Variants in UNC13C observed in about 807,000 individuals in gnomAD.
The protein encoded by UNC13C is unc-13 homolog C.
Under a neutral mutation model 245.4 loss-of-function variants are expected in UNC13C, and 174 were observed. The observed-to-expected ratio is 0.71, with a 90% CI of 0.63 to 0.80. The LOEUF (loss-of-function observed/expected upper bound fraction) is 0.80. UNC13C is among the 30% of genes least tolerant of loss of function. The pLI, the probability that UNC13C is intolerant of heterozygous loss-of-function variation, is 0.00. For missense variants in UNC13C, 2,829 were observed against 2,602.9 expected (o/e 1.09, Z -1.89); for synonymous variants, 992 against 895.1 (o/e 1.11, Z -1.93).
intron 2 of UNC13C, among the ~76,000 whole-genome samples, chr15:54,062,356 G>A (rs1039310670): frequency 1.3e-5 from 2 of 151,254 alleles, no homozygotes; most frequent in Admixed American, 1.3e-4. Context: ...CATCCTCTGT[G>A]TGATTCTCCT....
At chr15:54,462,380 G>C (rs1422232796) in intron 19 of UNC13C, among the ~76,000 whole-genome samples, 1 of 152,232 alleles carries the variant, frequency 6.6e-6, no homozygotes, top group African/African-American at 2.4e-5. Context: ...TCAGCCCACA[G>C]CTGCACTGTG....
At chr15:54,515,888 C>T (rs1894952940) in intron 24 of UNC13C, among the ~76,000 whole-genome samples, 1 of 152,106 alleles carries the variant, frequency 6.6e-6, no homozygotes, top group Admixed American at 6.5e-5. Context: ...TGTGTCATAC[C>T]ATGGTGGTAA....
At chr15:54,308,844 C>G (rs1347888446) in intron 13 of UNC13C, among the ~76,000 whole-genome samples, 2 of 151,700 alleles carry the variant, frequency 1.3e-5, no homozygotes, top group Non-Finnish European at 2.9e-5. Flanking sequence ...AAAATTTCCT[C>G]CATTTTTATG....
chr15:53,901,920 G>T, the UNC13C span, among the ~76,000 whole-genome samples: 1 of 151,818 alleles, frequency 6.6e-6, no homozygotes, highest in African/African-American at 2.4e-5. Context: ...TTTATTTATG[G>T]TGAAAATTGA....
intron 1 of UNC13C, among the ~76,000 whole-genome samples, chr15:54,008,967 T>A (rs1895260837): frequency 6.6e-6 from 1 of 152,210 alleles, no homozygotes; most frequent in African/African-American, 2.4e-5. Context: ...CGGAGATAAT[T>A]TAAGTTTCTG....
the UNC13C span, among the ~76,000 whole-genome samples, chr15:53,956,084 C>G: frequency 7.9e-5 from 12 of 152,132 alleles, no homozygotes; most frequent in Non-Finnish European, 1.8e-4. Context: ...AACAGAAAAA[C>G]AAACACCACA....
At chr15:54,518,678 C>CTT (rs1895084635) in intron 24 of UNC13C, among the ~76,000 whole-genome samples, 4 of 152,142 alleles carry the variant, frequency 2.6e-5, no homozygotes, top group African/African-American at 7.2e-5. Context: ...GAGATAATGG[C>CTT]TCACAGAGAA....
intron 17 of UNC13C, among the ~76,000 whole-genome samples, chr15:54,354,057 G>C (rs556132430): frequency 6.6e-6 from 1 of 152,258 alleles, no homozygotes; most frequent in South Asian, 2.1e-4. Flanking sequence ...GGATGTCTTA[G>C]GAAGAGATGC....
At chr15:54,179,796 A>G (rs2033737419) in intron 4 of UNC13C, among the ~76,000 whole-genome samples, 1 of 152,080 alleles carries the variant, frequency 6.6e-6, no homozygotes, top group Admixed American at 6.6e-5. Context: ...CAAAAGTCTA[A>G]CAGCACCCAA....
At chr15:54,533,397 C>G (rs1488013296) in intron 26 of UNC13C, among the ~76,000 whole-genome samples, 1 of 152,104 alleles carries the variant, frequency 6.6e-6, no homozygotes, top group Non-Finnish European at 1.5e-5. Flanking sequence ...TCCTCCTGGA[C>G]ATAGAGAAAG....
chr15:54,207,487 G>C (rs575415561), intron 4 of UNC13C, among the ~76,000 whole-genome samples: 3 of 152,052 alleles, frequency 2.0e-5, no homozygotes, highest in Non-Finnish European at 4.4e-5. Flanking sequence ...TTGAACTTAG[G>C]GGAGGGAGAG....
chr15:54,060,871 A>G (rs1184113552), intron 2 of UNC13C, among the ~76,000 whole-genome samples: 1 of 152,136 alleles, frequency 6.6e-6, no homozygotes, highest in South Asian at 2.1e-4. Context: ...CACAAGGACA[A>G]AAAACCAAAC....
chr15:54,356,112 A>T (rs192216549), intron 17 of UNC13C, among the ~76,000 whole-genome samples: 1 of 152,178 alleles, frequency 6.6e-6, no homozygotes, highest in Non-Finnish European at 1.5e-5. Context: ...ACATTTCACA[A>T]TGTATTTAGC....
chr15:54,139,046 G>A (rs1040140896), intron 2 of UNC13C, among the ~76,000 whole-genome samples: 3 of 131,100 alleles, frequency 2.3e-5, no homozygotes, highest in Non-Finnish European at 3.1e-5. Context: ...TGCAACCTCC[G>A]CCTCCTGTGT....
rs572102515 is a variant in UNC13C, at chr15:54,141,071, A to G, written c.2984-1947A>G. ...GTTGAGATGGAAGACAGATATCAAC[A>G]GGAGATAATGAATATAAAGTACTCA... On this transcript the variant is annotated intron_variant, in intron 2 of 32. Transcript: ENST00000260323. Among the ~76,000 whole-genome samples, 8 of 152,360 alleles carry G rather than the reference A, an allele frequency of 5.3e-5. No individual in the cohort carries two copies. The South Asian group carries it at 1.4e-3, about 28-fold the overall frequency.
the UNC13C span, among the ~76,000 whole-genome samples, chr15:53,847,286 T>C: frequency 6.6e-6 from 1 of 152,098 alleles, no homozygotes; most frequent in Admixed American, 6.6e-5. Context: ...ACATGGAAGA[T>C]GTTAAATAAT....
chr15:54,499,983 T>A, intron 20 of UNC13C, 96 bp from the exon 21 acceptor site: 1 of 899,924 alleles, frequency 1.1e-6, no homozygotes, highest in Non-Finnish European at 1.7e-6. Context: ...AGATTGTTGA[T>A]TCTAAATTAC....
intron 17 of UNC13C, among the ~76,000 whole-genome samples, chr15:54,376,940 A>G (rs999220454): frequency 6.6e-6 from 1 of 152,218 alleles, no homozygotes; most frequent in Non-Finnish European, 1.5e-5. Context: ...CTCCTAGATT[A>G]GAATAGGCCC....
At chr15:54,145,981 A>G (rs1361098810) in intron 4 of UNC13C, among the ~76,000 whole-genome samples, 2 of 152,102 alleles carry the variant, frequency 1.3e-5, no homozygotes, top group Non-Finnish European at 2.9e-5. Context: ...ACGACTTTCT[A>G]AGGGATTTTG....
Sources: allele counts gnomAD v4.1 joint callset (sites outside exome capture counted in the v4.1 genomes callset), GRCh38; gene constraint gnomAD v4.1.1; transcripts MANE v1.5; gene names NCBI Gene and HGNC (gene_info 2026-07-23, HGNC 2026-07-21).